PCDH15: variants seen among roughly 807,000 people sequenced by gnomAD.
PCDH15 encodes the protein protocadherin related 15, also known as protocadherin-15.
Under a neutral mutation model 178.5 loss-of-function variants are expected in PCDH15, and 129 were observed. That is an observed-to-expected ratio of 0.72 (90% confidence interval 0.63 to 0.84). The LOEUF (loss-of-function observed/expected upper bound fraction) is 0.84. PCDH15 is among the 40% of genes least tolerant of loss of function. PCDH15 has a pLI of 0.00. For synonymous variants in PCDH15, 800 were observed against 732.0 expected, an observed-to-expected ratio of 1.09 and a Z score of -1.50; for missense variants, 2,230 against 2,099.9, an observed-to-expected ratio of 1.06 and a Z score of -1.21.
At chr10:55,162,681 C>T (rs934276173) in intron 2 of PCDH15, among the ~76,000 whole-genome samples, 8 of 152,206 alleles carry the variant, frequency 5.3e-5, no homozygotes, top group South Asian at 2.1e-4. Context: ...TGAGAAGCGC[C>T]TGAATATTGC....
At chr10:54,343,026 C>G (rs1440540503) in intron 6 of PCDH15, among the ~76,000 whole-genome samples, 1 of 152,136 alleles carries the variant, frequency 6.6e-6, no homozygotes, top group Non-Finnish European at 1.5e-5. Flanking sequence ...TGACTTGTCT[C>G]AGATGAAACT....
chr10:55,494,428 T>C (rs900495070), intron 2 of PCDH15, among the ~76,000 whole-genome samples: 1 of 151,818 alleles, frequency 6.6e-6, no homozygotes, highest in African/African-American at 2.4e-5. Context: ...TTGTTTAATA[T>C]ATTCATTTGT....
At chr10:53,860,292 G>A (rs1227583600) in intron 27 of PCDH15, among the ~76,000 whole-genome samples, 2 of 152,110 alleles carry the variant, frequency 1.3e-5, no homozygotes, top group Non-Finnish European at 2.9e-5. Flanking sequence ...ACACACAGTC[G>A]ATTTCTCAGC....
chr10:54,136,808 T>C (rs914256329), intron 14 of PCDH15, among the ~76,000 whole-genome samples: 2 of 152,178 alleles, frequency 1.3e-5, no homozygotes, highest in African/African-American at 2.4e-5. Flanking sequence ...CCGTCCTTAC[T>C]CCTTTGCTTC....
chr10:53,939,170 G>T (rs916721830), intron 24 of PCDH15, among the ~76,000 whole-genome samples: 2 of 151,968 alleles, frequency 1.3e-5, no homozygotes, highest in African/African-American at 4.8e-5. Flanking sequence ...AAATTGTAGG[G>T]TTTTTTTGTT....
intron 8 of PCDH15, among the ~76,000 whole-genome samples, chr10:54,245,865 T>C (rs1041939788): frequency 1.3e-5 from 2 of 152,158 alleles, no homozygotes; most frequent in African/African-American, 4.8e-5. Flanking sequence ...TTGAGAAGGA[T>C]ATTCATTGTA....
intron 1 of PCDH15, among the ~76,000 whole-genome samples, chr10:55,170,821 G>T (rs1454366122): frequency 1.3e-5 from 2 of 152,128 alleles, no homozygotes; most frequent in African/African-American, 4.8e-5. Flanking sequence ...GGCGGAGGTT[G>T]CAGTGAGCCA....
intron 32 of PCDH15, among the ~76,000 whole-genome samples, chr10:53,825,844 A>G (rs1009235716): frequency 6.6e-6 from 1 of 151,534 alleles, no homozygotes; most frequent in African/African-American, 2.4e-5. Flanking sequence ...CAATGAATAC[A>G]TATATTACAA....
At chr10:54,282,323 G>T (rs1344889887) in intron 8 of PCDH15, among the ~76,000 whole-genome samples, 1 of 152,098 alleles carries the variant, frequency 6.6e-6, no homozygotes, top group Admixed American at 6.6e-5. Context: ...GAAAAGAGGA[G>T]AGAAAAAGAG....
rs964110232 is a variant in PCDH15 at position 54,284,742 on chromosome 10, G to A, written c.876+32529C>T. ...TGCAGTTATGCCATGCATAGCAACC[G>A]CAGCAGGCCTTCCTCATTCCAATGT... is the stretch of plus-strand genomic sequence containing the variant. On this transcript the variant is annotated intron_variant, in intron 8 of 37. Transcript: ENST00000644397. 3.3e-5 allele frequency among the ~76,000 whole-genome samples: 5 copies of A among 152,174 alleles called. No individual in the cohort carries two copies. The East Asian group carries it at 7.7e-4, about 23-fold the overall frequency.
At chr10:54,541,991 TA>T (rs1444178513) in intron 2 of PCDH15, among the ~76,000 whole-genome samples, 3 of 152,116 alleles carry the variant, frequency 2.0e-5, no homozygotes, top group Admixed American at 6.6e-5. Flanking sequence ...TAAGCTGCAT[TA>T]AAAAAAGCAA....
In PCDH15 at chr10:54,895,120, A is replaced by C. The variant is rs766896381; in HGVS notation, c.-29+2330T>G. Among the ~76,000 whole-genome samples, 12 of 152,324 alleles carry C rather than the reference A, an allele frequency of 7.9e-5. No homozygotes were observed. In the Middle Eastern group the frequency reaches 0.01, roughly 130 times the overall value. On this transcript the variant is annotated intron_variant, in intron 3 of 5. Coordinates refer to the PCDH15 transcript ENST00000458638. ...AGATATTTGAAGACAGCTTCTTAGAATGAACAATAAAAATAACTACAGTGT... is the reference window on the plus strand; with the variant it reads ...AGATATTTGAAGACAGCTTCTTAGACTGAACAATAAAAATAACTACAGTGT...
At chr10:55,410,574 GC>G in intron 2 of PCDH15, among the ~76,000 whole-genome samples, 1 of 152,200 alleles carries the variant, frequency 6.6e-6, no homozygotes, top group Non-Finnish European at 1.5e-5. Context: ...ATATGATAAA[GC>G]AATTCTCTCT....
At chr10:54,196,536 G>A (rs1011020514) in intron 10 of PCDH15, among the ~76,000 whole-genome samples, 1 of 152,052 alleles carries the variant, frequency 6.6e-6, no homozygotes, top group South Asian at 2.1e-4. Context: ...TGAGTGTACC[G>A]CTGATAAAAT....
chr10:53,871,451 CGTGTGTGTGTGTGTGT>C (rs71461208), intron 26 of PCDH15, among the ~76,000 whole-genome samples: 1 of 146,804 alleles, frequency 6.8e-6, no homozygotes, highest in Non-Finnish European at 1.5e-5. Context: ...TATATTCATA[CGTGTGTGTGTGTGTGT>C]GTGTGTGTGT....
chr10:54,349,186 G>C (rs1386216859), intron 5 of PCDH15, among the ~76,000 whole-genome samples: 1 of 152,168 alleles, frequency 6.6e-6, no homozygotes, highest in Non-Finnish European at 1.5e-5. Flanking sequence ...GGGTGCCCAT[G>C]CCTTTCAATC....
chr10:53,909,013 T>C (rs1379300942), intron 25 of PCDH15, among the ~76,000 whole-genome samples: 1 of 152,218 alleles, frequency 6.6e-6, no homozygotes, highest in Admixed American at 6.5e-5. Context: ...GACTTCCACA[T>C]AGTAGGTGAT....
chr10:54,251,907 C>A (rs2056506747), intron 8 of PCDH15, among the ~76,000 whole-genome samples: 1 of 151,910 alleles, frequency 6.6e-6, no homozygotes, highest in African/African-American at 2.4e-5. Context: ...TATTTCTTAT[C>A]CAAACTTTTA....
At chr10:54,357,308 A>T (rs1303273074) in intron 5 of PCDH15, among the ~76,000 whole-genome samples, 1 of 152,234 alleles carries the variant, frequency 6.6e-6, no homozygotes. Flanking sequence ...AAGCAAATTC[A>T]GCAAAGTCTC....
Sources: gnomAD v4.1 joint callset for allele counts (sites outside exome capture counted in the v4.1 genomes callset) on GRCh38, gnomAD v4.1.1 for gene constraint, MANE v1.5 for transcripts, NCBI Gene and HGNC (gene_info 2026-07-23, HGNC 2026-07-21) for gene names.